PRDM16: variants seen among roughly 807,000 people sequenced by gnomAD.
The protein encoded by PRDM16 is histone-lysine N-methyltransferase PRDM16.
PRDM16 carries 23 observed loss-of-function variants against 110.6 expected under a neutral mutation model. The ratio of observed to expected loss-of-function variants is 0.21; its 90% CI spans 0.15 to 0.29. The LOEUF is 0.29. Ranked by LOEUF, PRDM16 falls within the 10% of genes least tolerant of loss-of-function variation. The pLI is 1.00. For missense variants in PRDM16, 1,615 were observed against 1,794.3 expected (o/e 0.90, Z 1.81); for synonymous variants, 799 against 781.8 (o/e 1.02, Z -0.37).
At chr1:3,140,189 C>T (rs1643520713) in intron 1 of PRDM16, among the ~76,000 whole-genome samples, 2 of 152,254 alleles carry the variant, frequency 1.3e-5, no homozygotes, top group South Asian at 4.1e-4. Context: ...GGATGCAGCC[C>T]CCGGATGGCC....
At position 3,081,904 on chromosome 1, in the gene PRDM16, C is replaced by G. The variant is rs78789560; in HGVS notation, c.37+12608C>G. On this transcript the variant is annotated intron_variant, in intron 1 of 16. Transcript: ENST00000270722. This position sits in a 1 kb window ranked among gnomAD's most constrained non-coding sequence, Gnocchi z 4.6. ...CCCCTCACAGACCCAGAGGCAGAGG[C>G]CTTCAGGGCCAGCAGTCAGGATGGG... Among the ~76,000 whole-genome samples the G allele has an allele frequency of 6.6e-6, 1 of 152,208 alleles. No homozygotes were observed. The highest frequency in any genetic ancestry group is 2.4e-5 in the African/African-American group (1 of 41,458).
intron 3 of PRDM16, among the ~76,000 whole-genome samples, chr1:3,311,533 A>G (rs1641460849): frequency 6.6e-6 from 1 of 152,196 alleles, no homozygotes; most frequent in African/African-American, 2.4e-5. Flanking sequence ...ATGATGAAGA[A>G]TCCCCACAGG....
chr1:3,078,589 T>C (rs1452056665), intron 1 of PRDM16, among the ~76,000 whole-genome samples: 1 of 152,268 alleles, frequency 6.6e-6, no homozygotes, highest in Admixed American at 6.5e-5. Context: ...AGGAGGGTTA[T>C]GTAATTTTCT....
chr1:3,329,219 A>G (rs1293012723), intron 3 of PRDM16, among the ~76,000 whole-genome samples: 1 of 152,192 alleles, frequency 6.6e-6, no homozygotes. Context: ...ACAGCTGCCC[A>G]GCGGGCATGG....
At chr1:3,196,524 C>T (rs757077077) in intron 2 of PRDM16, among the ~76,000 whole-genome samples, 10 of 152,208 alleles carry the variant, frequency 6.6e-5, no homozygotes, top group Admixed American at 2.0e-4. Flanking sequence ...GCTCACCGCC[C>T]GGTGCCCCTG....
rs7516728 is a variant in PRDM16, at chr1:3,206,787, C to G, written c.387+20313C>G. 6.6e-6 allele frequency: 1 copy of G among 152,228 alleles called. No homozygotes were observed. The highest frequency in any genetic ancestry group is 1.5e-5 in the Non-Finnish European group (1 of 68,132). The allele number at this position is 152,228 out of a possible 1,614,324, so 9.4% of individuals were successfully genotyped here. The stretch of plus-strand genomic sequence containing the variant: ...ATGAAATGGGCCCGGCAAGGTCACA[C>G]GGCACCAGCTGGCCCAAGGCTGGTC... On this transcript the variant is annotated intron_variant, in intron 2 of 16. Coordinates refer to ENST00000270722, the MANE Select transcript of PRDM16 (RefSeq NM_022114.4). The surrounding 1 kb of genome is among the most constrained non-coding windows in gnomAD (Gnocchi z 4.9).
intron 1 of PRDM16, among the ~76,000 whole-genome samples, chr1:3,164,178 G>A (rs4648365): frequency 2.0e-4 from 31 of 152,280 alleles, no homozygotes; most frequent in Middle Eastern, 3.2e-3. Flanking sequence ...AGCGGCTTAA[G>A]TATAAAGCGT....
intron 4 of PRDM16, among the ~76,000 whole-genome samples, chr1:3,392,779 G>A (rs1279853624): frequency 6.6e-6 from 1 of 152,176 alleles, no homozygotes; most frequent in African/African-American, 2.4e-5. Flanking sequence ...CGTGGCCTGG[G>A]CTGACTCTAG....
In PRDM16 at chr1:3,318,261, G is replaced by A. The variant is rs547590593; in HGVS notation, c.439-66891G>A. Among the ~76,000 whole-genome samples the A allele has an allele frequency of 6.4e-4, 97 of 152,306 alleles. No individual in the cohort carries two copies. The Middle Eastern group carries it at 0.037, about 59-fold the overall frequency. On this transcript the variant is annotated intron_variant, in intron 3 of 16. Coordinates refer to ENST00000270722, the MANE Select transcript of PRDM16 (RefSeq NM_022114.4). ...GGTCTTCCGAGCTCCTTTCTGCTGT[G>A]TCCCATCGGGTTCTTAACCTACAGC...
intron 1 of PRDM16, among the ~76,000 whole-genome samples, chr1:3,136,496 G>A (rs1643441093): frequency 6.6e-6 from 1 of 152,190 alleles, no homozygotes; most frequent in Admixed American, 6.5e-5. Flanking sequence ...GAATTACAGA[G>A]CGGGGAGAAG....
intron 1 of PRDM16, among the ~76,000 whole-genome samples, chr1:3,179,892 C>T (rs1386710450): frequency 2.0e-5 from 3 of 152,064 alleles, no homozygotes; most frequent in Non-Finnish European, 4.4e-5. Flanking sequence ...TTCCCGGGTC[C>T]CTGTTCCTAT....
At chr1:3,294,378 G>C (rs963583685) in intron 3 of PRDM16, among the ~76,000 whole-genome samples, 2 of 152,078 alleles carry the variant, frequency 1.3e-5, no homozygotes, top group African/African-American at 4.8e-5. Context: ...GGTTTCAGAG[G>C]CACTTCCAGC....
At chr1:3,092,154 C>G (rs939506858) in intron 1 of PRDM16, among the ~76,000 whole-genome samples, 1 of 152,128 alleles carries the variant, frequency 6.6e-6, no homozygotes, top group Admixed American at 6.5e-5. Flanking sequence ...ACATGGACAC[C>G]AGGCTCAGAG....
intron 2 of PRDM16, among the ~76,000 whole-genome samples, chr1:3,194,208 T>TTGTTG (rs1638396231): frequency 6.6e-6 from 1 of 152,180 alleles, no homozygotes; most frequent in African/African-American, 2.4e-5. Context: ...TGGGGGGCTA[T>TTGTTG]TTAGGATGGT....
At position 3,190,532 on chromosome 1, in the gene PRDM16, T is replaced by C. The variant is rs1487831788; in HGVS notation, c.387+4058T>C. Among the ~76,000 whole-genome samples the C allele has an allele frequency of 1.3e-5, 2 of 152,136 alleles. No homozygotes were observed. Among genetic ancestry groups the C allele is most frequent in the Admixed American group, 6.5e-5 (1 of 15,286 alleles). The stretch of plus-strand genomic sequence containing the variant: ...ATCCTGAGCTGTGCCCTGAGTCAGA[T>C]GCCCCACCCCCGACCTGGGGGCTCA... On this transcript the variant is annotated intron_variant, in intron 2 of 16. Transcript: ENST00000270722. This position sits in a 1 kb window ranked among gnomAD's most constrained non-coding sequence, Gnocchi z 5.0.
At position 3,243,414 on chromosome 1, in the gene PRDM16, C is replaced by T. The variant is rs1250941183; in HGVS notation, c.388-673C>T. On this transcript the variant is annotated intron_variant, in intron 2 of 16. Coordinates refer to ENST00000270722, the MANE Select transcript of PRDM16 (RefSeq NM_022114.4). The surrounding 1 kb of genome is among the most constrained non-coding windows in gnomAD (Gnocchi z 5.5). ...AGAGGAAGCAGAGAAATGGCATGAG[C>T]TCCCTCTCCCTCCAGCACCCACCAA... 1.3e-5 allele frequency among the ~76,000 whole-genome samples: 2 copies of T among 151,612 alleles called. No individual in the cohort carries two copies. The highest frequency in any genetic ancestry group is 3.9e-4 in the East Asian group (2 of 5,188).
chr1:3,091,984 G>A (rs575357574), intron 1 of PRDM16, among the ~76,000 whole-genome samples: 16 of 152,196 alleles, frequency 1.1e-4, no homozygotes, highest in Admixed American at 2.0e-4. Flanking sequence ...GGAGGCCCGC[G>A]TTAGCCCCAG....
At position 3,318,062 on chromosome 1, in the gene PRDM16, C is replaced by T. The variant is rs77395414; in HGVS notation, c.439-67090C>T. On this transcript the variant is annotated intron_variant, in intron 3 of 16. Transcript: ENST00000270722. ...GAGGCCTGTCCCCGGAGCATCACAGCGAGCCTCGCAAAGGGTTCGGGGTAA... is the reference window on the plus strand; with the variant it reads ...GAGGCCTGTCCCCGGAGCATCACAGTGAGCCTCGCAAAGGGTTCGGGGTAA... Among the ~76,000 whole-genome samples, 320 of 152,286 alleles carry T rather than the reference C, an allele frequency of 2.1e-3. 9 individuals carry two copies. In the East Asian group the frequency reaches 0.053, roughly 25 times the overall value.
At chr1:3,128,014 G>A (rs529666453) in intron 1 of PRDM16, 1 of 154,984 alleles carries the variant, frequency 6.5e-6, no homozygotes, top group South Asian at 2.0e-4. Context: ...CAATTCCTGA[G>A]AAAAGGGCCA....
Sources: gnomAD v4.1 joint callset for allele counts (sites outside exome capture counted in the v4.1 genomes callset) on GRCh38, gnomAD v4.1.1 for gene constraint, Gnocchi (gnomAD v3.1) non-coding constraint, MANE v1.5 for transcripts, NCBI Gene and HGNC (gene_info 2026-07-23, HGNC 2026-07-21) for gene names.